The following TRABD2B variants were observed in gnomAD, a reference collection of about 807,000 sequenced individuals.
TRABD2B encodes the protein metalloprotease TIKI2.
Under a neutral mutation model 40.1 loss-of-function variants are expected in TRABD2B, and 14 were observed. That is an observed-to-expected ratio of 0.35 (90% confidence interval 0.23 to 0.55). The LOEUF is 0.55. TRABD2B is among the 20% of genes least tolerant of loss of function. The probability of loss-of-function intolerance (pLI) is 0.90; values close to 1 mark genes in which losing one functional copy is unlikely to be tolerated. For missense variants in TRABD2B, 541 were observed against 648.6 expected (o/e 0.83, Z 1.80); for synonymous variants, 263 against 277.0 (o/e 0.95, Z 0.50).
chr1:47,846,857 TACACACACACACACACACAC>T (rs67359073), intron 2 of TRABD2B, among the ~76,000 whole-genome samples: 3 of 106,396 alleles, frequency 2.8e-5, no homozygotes, highest in Non-Finnish European at 6.5e-5. Context: ...AAAACATGCA[TACACACACACACACACACAC>T]ACACACACAC....
chr1:47,863,372 T>TTATATATATATATATA lies in TRABD2B; in HGVS notation c.667-61769_667-61754dup, dbSNP rs201881656. On this transcript the variant is annotated intron_variant, in intron 2 of 6. Transcript: ENST00000606738. The stretch of plus-strand genomic sequence containing the variant: ...ATAATTGGATATATCCTATATAATT[T>TTATATATATATATATA]TATATATATATATATATATATAATC... 7.8e-3 allele frequency among the ~76,000 whole-genome samples: 520 copies of TTATATATATATATATA among 66,400 alleles called. 32 individuals carry two copies. Among genetic ancestry groups the TTATATATATATATATA allele is most frequent in the African/African-American group, 0.023 (430 of 18,990 alleles). 43.6% of individuals were successfully genotyped at this position (66,400 alleles called of 152,430 possible). A position where few individuals can be genotyped will look rare whatever the true frequency, so the allele number is the denominator to read the frequency against.
Position 47,762,319 on chromosome 1 carries a change from T to C in TRABD2B, c.*3583A>G, listed in dbSNP as rs965697850. The C allele has an allele frequency of 6.6e-6, 1 of 152,210 alleles. No individual in the cohort carries two copies. Among genetic ancestry groups the C allele is most frequent in the African/African-American group, 2.4e-5 (1 of 41,460 alleles). 9.4% of individuals were successfully genotyped at this position (152,210 alleles called of 1,614,324 possible). A position where few individuals can be genotyped will look rare whatever the true frequency, so the allele number is the denominator to read the frequency against. ...GGGTGAGGCTGAGGACTCTGGTTCTTATCTCACAGTCACTGAAAAACTATC... is the reference window on the plus strand; with the variant it reads ...GGGTGAGGCTGAGGACTCTGGTTCTCATCTCACAGTCACTGAAAAACTATC... On this transcript the variant is annotated 3_prime_UTR_variant, in exon 7 of 7. Coordinates refer to ENST00000606738, the MANE Select transcript of TRABD2B (RefSeq NM_001194986.2).
At chr1:47,839,016 G>A (rs571036749) in intron 2 of TRABD2B, among the ~76,000 whole-genome samples, 67 of 152,304 alleles carry the variant, frequency 4.4e-4, no homozygotes, top group Non-Finnish European at 8.1e-4. Flanking sequence ...GGGTTGGCAC[G>A]GAGGCCATCA....
chr1:47,874,417 C>G (rs1335159507), intron 2 of TRABD2B, among the ~76,000 whole-genome samples: 4 of 149,808 alleles, frequency 2.7e-5, no homozygotes, highest in South Asian at 4.2e-4. Context: ...GGACTACAGG[C>G]GCCCGCCACC....
chr1:47,777,994 T>A (rs984527953), intron 5 of TRABD2B, among the ~76,000 whole-genome samples: 3 of 152,118 alleles, frequency 2.0e-5, no homozygotes, highest in Non-Finnish European at 4.4e-5. Flanking sequence ...GTGAGGGGCA[T>A]AGCCAGAGAC....
chr1:47,766,546 G>A (rs564815773), intron 6 of TRABD2B, among the ~76,000 whole-genome samples: 13 of 152,148 alleles, frequency 8.5e-5, no homozygotes, highest in Non-Finnish European at 1.8e-4. Context: ...ACCCCACCGC[G>A]TTCCCTGCCA....
At chr1:47,866,746 A>G (rs1390879436) in intron 2 of TRABD2B, among the ~76,000 whole-genome samples, 1 of 152,106 alleles carries the variant, frequency 6.6e-6, no homozygotes, top group Non-Finnish European at 1.5e-5. Context: ...GATGCAATCC[A>G]ATGGTTGTGC....
chr1:47,969,851 C>G (rs1645655737), intron 2 of TRABD2B, among the ~76,000 whole-genome samples: 1 of 152,136 alleles, frequency 6.6e-6, no homozygotes, highest in Non-Finnish European at 1.5e-5. Context: ...GTTTCCCCTG[C>G]CATGTCCTCA....
At chr1:47,980,004 A>G (rs1645817853) in intron 2 of TRABD2B, among the ~76,000 whole-genome samples, 1 of 152,146 alleles carries the variant, frequency 6.6e-6, no homozygotes. Context: ...GAATTCTGAA[A>G]TGCAGAACAT....
chr1:47,909,384 G>A (rs563325225), intron 2 of TRABD2B, among the ~76,000 whole-genome samples: 8 of 151,876 alleles, frequency 5.3e-5, no homozygotes, highest in South Asian at 2.1e-4. Context: ...GTCACAGGGC[G>A]AGAGAGGAAG....
chr1:47,894,290 G>A (rs1279796838), intron 2 of TRABD2B, among the ~76,000 whole-genome samples: 2 of 152,096 alleles, frequency 1.3e-5, no homozygotes, highest in Admixed American at 6.5e-5. Context: ...TTCAATTTCC[G>A]TATCTCTGTA....
At chr1:47,861,318 A>G (rs979905649) in intron 2 of TRABD2B, among the ~76,000 whole-genome samples, 13 of 152,150 alleles carry the variant, frequency 8.5e-5, no homozygotes, top group African/African-American at 2.7e-4. Flanking sequence ...GCATCTAATG[A>G]GTAGAGGCCG....
At chr1:47,828,883 A>C (rs1314924055) in intron 2 of TRABD2B, among the ~76,000 whole-genome samples, 1 of 152,050 alleles carries the variant, frequency 6.6e-6, no homozygotes, top group Non-Finnish European at 1.5e-5. Flanking sequence ...CAGGGCTATG[A>C]CCCAGCCCCC....
intron 2 of TRABD2B, among the ~76,000 whole-genome samples, chr1:47,988,534 G>T (rs115899428): frequency 3.3e-5 from 5 of 152,134 alleles, no homozygotes; most frequent in Admixed American, 6.5e-5. Flanking sequence ...AGCCTGTGCC[G>T]TGACAGGCTG....
At chr1:47,919,549 G>A (rs1234372164) in intron 2 of TRABD2B, among the ~76,000 whole-genome samples, 1 of 152,262 alleles carries the variant, frequency 6.6e-6, no homozygotes, top group Admixed American at 6.5e-5. Flanking sequence ...TCTGCTGGCT[G>A]ACTGTGGGGA....
At chr1:47,966,990 A>G (rs1248740576) in intron 2 of TRABD2B, among the ~76,000 whole-genome samples, 2 of 151,682 alleles carry the variant, frequency 1.3e-5, no homozygotes, top group African/African-American at 2.4e-5. Context: ...GTGTAGTTCA[A>G]TAAAGTTGAA....
chr1:47,925,344 A>C (rs1189609075), intron 2 of TRABD2B, among the ~76,000 whole-genome samples: 1 of 152,238 alleles, frequency 6.6e-6, no homozygotes, highest in Admixed American at 6.5e-5. Context: ...TGAAAAAAGA[A>C]AGCAAAGAAC....
chr1:47,980,248 C>T (rs1401659502), intron 2 of TRABD2B, among the ~76,000 whole-genome samples: 1 of 152,164 alleles, frequency 6.6e-6, no homozygotes, highest in Non-Finnish European at 1.5e-5. Flanking sequence ...CACTCCTGAA[C>T]CCAGGACATG....
chr1:47,936,601 T>A (rs1185820243), intron 2 of TRABD2B, among the ~76,000 whole-genome samples: 2 of 152,162 alleles, frequency 1.3e-5, no homozygotes, highest in East Asian at 3.9e-4. Flanking sequence ...TAATAAGTTT[T>A]AAAAATTAGT....
Sources: allele counts gnomAD v4.1 joint callset (sites outside exome capture counted in the v4.1 genomes callset), GRCh38; gene constraint gnomAD v4.1.1; transcripts MANE v1.5; gene names NCBI Gene and HGNC (gene_info 2026-07-23, HGNC 2026-07-21).